The following MACROD1 variants were observed in gnomAD, a reference collection of about 807,000 sequenced individuals.
MACROD1 encodes ADP-ribose glycohydrolase MACROD1.
MACROD1 carries 31 observed loss-of-function variants against 41.4 expected under a neutral mutation model. The ratio of observed to expected loss-of-function variants is 0.75; its 90% CI spans 0.56 to 1.01. MACROD1 has a LOEUF of 1.01. Among genes scored for constraint, MACROD1 ranks in the 50% least tolerant of loss-of-function variants. The pLI is 0.00. For synonymous variants in MACROD1, 252 were observed against 203.4 expected (o/e 1.24, Z -2.03); for missense variants, 473 against 460.0 (o/e 1.03, Z -0.26).
intron 3 of MACROD1, among the ~76,000 whole-genome samples, chr11:64,029,068 C>T (rs1429588862): frequency 2.0e-5 from 3 of 152,252 alleles, no homozygotes; most frequent in Non-Finnish European, 4.4e-5. Context: ...CGCCCCAGGG[C>T]ACCATCTGTG....
intron 3 of MACROD1, among the ~76,000 whole-genome samples, chr11:64,098,677 G>A (rs929448605): frequency 4.6e-5 from 7 of 152,184 alleles, no homozygotes; most frequent in Admixed American, 6.5e-5. Flanking sequence ...ACCTCAGCCT[G>A]GAAGTCCAAA....
At position 64,107,965 on chromosome 11, in the gene MACROD1, G is replaced by A. The variant is rs114938172; in HGVS notation, c.517+43274C>T. Among the ~76,000 whole-genome samples the A allele has an allele frequency of 7.4e-3, 1,124 of 152,266 alleles. 14 individuals carry two copies. The highest frequency in any genetic ancestry group is 0.025 in the African/African-American group (1,057 of 41,538). On this transcript the variant is annotated intron_variant, in intron 3 of 10. Transcript: ENST00000255681. ...GTAATAGTTCCCTCATTCTGAATAC[G>A]ACTCTGCTAAACATTGAAAGTAACC... is the stretch of plus-strand genomic sequence containing the variant.
chr11:64,093,918 T>C (rs902748128), intron 3 of MACROD1, among the ~76,000 whole-genome samples: 1 of 152,184 alleles, frequency 6.6e-6, no homozygotes, highest in Non-Finnish European at 1.5e-5. Context: ...CTGTGTCTGG[T>C]ACAGTGAATC....
chr11:64,033,399 TTTTG>T (rs1454945880), intron 3 of MACROD1, among the ~76,000 whole-genome samples: 2 of 152,060 alleles, frequency 1.3e-5, no homozygotes, highest in African/African-American at 4.8e-5. Context: ...TGAAGATGAT[TTTTG>T]TTTGTTTTTT....
chr11:64,125,004 T>A (rs1945156874), intron 3 of MACROD1, among the ~76,000 whole-genome samples: 1 of 151,986 alleles, frequency 6.6e-6, no homozygotes, highest in South Asian at 2.1e-4. Context: ...TCTCCACGTC[T>A]CCCCCGGAGA....
chr11:64,110,372 A>C (rs1416930298), intron 3 of MACROD1, among the ~76,000 whole-genome samples: 1 of 151,646 alleles, frequency 6.6e-6, no homozygotes, highest in Non-Finnish European at 1.5e-5. Context: ...TCACCTGAGC[A>C]TGGGGAGGTC....
At chr11:64,088,892 C>T (rs12223886) in intron 3 of MACROD1, among the ~76,000 whole-genome samples, 14 of 152,116 alleles carry the variant, frequency 9.2e-5, no homozygotes, top group African/African-American at 1.9e-4. Flanking sequence ...ATTGAAGGTG[C>T]GGTTCACAAA....
At chr11:64,007,296 G>A (rs1942929450) in intron 4 of MACROD1, among the ~76,000 whole-genome samples, 1 of 152,236 alleles carries the variant, frequency 6.6e-6, no homozygotes. Flanking sequence ...TGTGGGCGTG[G>A]TGAAAAAGGA....
At chr11:64,072,941 T>C (rs1172311747) in intron 3 of MACROD1, among the ~76,000 whole-genome samples, 1 of 152,148 alleles carries the variant, frequency 6.6e-6, no homozygotes, top group Non-Finnish European at 1.5e-5. Context: ...TTCCCCAAAG[T>C]GGAACCCTCT....
Position 64,127,125 on chromosome 11 carries a change from C to T in MACROD1, c.517+24114G>A, listed in dbSNP as rs917251932. On this transcript the variant is annotated intron_variant, in intron 3 of 10. Transcript: ENST00000255681. ...CAACAACACAAACCAAAGTGCACTG[C>T]GAACCGCCCTTTGGCCTCCTTCTTG... Among the ~76,000 whole-genome samples, 24 of 152,346 alleles carry T rather than the reference C, an allele frequency of 1.6e-4. 2 individuals are homozygous for T. Among genetic ancestry groups the T allele is most frequent in the Admixed American group, 1.3e-3 (20 of 15,310 alleles).
At chr11:64,117,494 G>A (rs1945011258) in intron 3 of MACROD1, 1 of 1,611,266 alleles carries the variant, frequency 6.2e-7, no homozygotes, top group South Asian at 1.1e-5. Flanking sequence ...AGGGTTCCCT[G>A]TTTACCCTCA....
At chr11:64,055,406 G>A (rs975782889) in intron 3 of MACROD1, among the ~76,000 whole-genome samples, 6 of 152,234 alleles carry the variant, frequency 3.9e-5, no homozygotes, top group Non-Finnish European at 7.3e-5. Context: ...GATGGGGGAT[G>A]GGTGCTTTGC....
intron 1 of MACROD1, among the ~76,000 whole-genome samples, chr11:64,161,211 A>G (rs533976459): frequency 6.6e-6 from 1 of 152,272 alleles, no homozygotes; most frequent in East Asian, 1.9e-4. Flanking sequence ...AGTGGGAAAC[A>G]AGCTGTGGTA....
At position 64,160,814 on chromosome 11, in the gene MACROD1, T is replaced by TAA. The variant is rs34275911; in HGVS notation, c.298+4881_298+4882dup. On this transcript the variant is annotated intron_variant, in intron 1 of 10. Transcript: ENST00000255681. ...CTGGGCAACAGAATGAGACCATATC[T>TAA]AAAAAAAAAAAAAAAAAAAATGTTC... 1.3e-3 allele frequency among the ~76,000 whole-genome samples: 147 copies of TAA among 111,076 alleles called. 1 individual carries two copies. The highest frequency in any genetic ancestry group is 2.0e-3 in the African/African-American group (57 of 28,262). The allele number at this position is 111,076 out of a possible 152,430, so 72.9% of individuals were successfully genotyped here. A position where few individuals can be genotyped will look rare whatever the true frequency, so the allele number is the denominator to read the frequency against.
At chr11:64,111,588 G>A (rs906737416) in intron 3 of MACROD1, among the ~76,000 whole-genome samples, 1 of 152,218 alleles carries the variant, frequency 6.6e-6, no homozygotes, top group Non-Finnish European at 1.5e-5. Context: ...GTCTCAGGCT[G>A]CTGGGCTGTG....
At chr11:64,165,597 T>C in intron 1 of MACROD1, 100 bp downstream of exon 1, 3 of 1,106,622 alleles carry the variant, frequency 2.7e-6, no homozygotes, top group South Asian at 4.5e-5. Context: ...TCCCCAGGTC[T>C]CTCGGGTGGA....
chr11:64,117,717 T>C, intron 3 of MACROD1: 1 of 1,613,700 alleles, frequency 6.2e-7, no homozygotes, highest in East Asian at 2.2e-5. Flanking sequence ...CACGGAGACC[T>C]TGGTGCAGGG....
intron 3 of MACROD1, among the ~76,000 whole-genome samples, chr11:64,034,510 A>C (rs1590817890): frequency 6.6e-6 from 1 of 152,248 alleles, no homozygotes; most frequent in Non-Finnish European, 1.5e-5. Context: ...AGGGAGAGGC[A>C]GGAAGGGCAA....
Position 64,064,240 on chromosome 11 carries a change from T to C in MACROD1, c.518-48959A>G, listed in dbSNP as rs1369409977. ...GAAAAAAATCCCAAACTGCACAGCCTAGGGTTGGGGACAAAAAGCAACCAA... is the reference window on the plus strand; with the variant it reads ...GAAAAAAATCCCAAACTGCACAGCCCAGGGTTGGGGACAAAAAGCAACCAA... On this transcript the variant is annotated intron_variant, in intron 3 of 10. Transcript: ENST00000255681. This position sits in a 1 kb window ranked among gnomAD's most constrained non-coding sequence, Gnocchi z 4.5. Among the ~76,000 whole-genome samples, 3 of 152,226 alleles carry C rather than the reference T, an allele frequency of 2.0e-5. No individual in the cohort carries two copies. Among genetic ancestry groups the C allele is most frequent in the African/African-American group, 7.2e-5 (3 of 41,550 alleles).
Sources: allele counts gnomAD v4.1 joint callset (sites outside exome capture counted in the v4.1 genomes callset), GRCh38; gene constraint gnomAD v4.1.1; non-coding constraint Gnocchi (gnomAD v3.1); transcripts MANE v1.5; gene names NCBI Gene and HGNC (gene_info 2026-07-23, HGNC 2026-07-21).